MAMDC2: variants seen among roughly 807,000 people sequenced by gnomAD.
MAMDC2 encodes MAM domain-containing protein 2.
In MAMDC2, 57 loss-of-function variants were observed where a neutral mutation model predicts 89.8. The observed-to-expected ratio is 0.63, with a 90% confidence interval of 0.51 to 0.79. MAMDC2 has a LOEUF of 0.79. MAMDC2 is among the 30% of genes least tolerant of loss of function. MAMDC2 has a pLI of 0.00. For synonymous variants in MAMDC2, 313 were observed against 293.4 expected, an observed-to-expected ratio of 1.07 and a Z score of -0.68; for missense variants, 800 against 820.6, an observed-to-expected ratio of 0.97 and a Z score of 0.31.
At chr9:70,165,539 C>A (rs1563982778) in intron 9 of MAMDC2, among the ~76,000 whole-genome samples, 1 of 152,228 alleles carries the variant, frequency 6.6e-6, no homozygotes, top group East Asian at 1.9e-4. Context: ...CAGAACAACA[C>A]ATGGTCTGGC....
rs557984489 is a variant in MAMDC2 at position 70,140,256 on chromosome 9, T to C, written c.1106T>C (p.Met369Thr). The stretch of plus-strand genomic sequence containing the variant: ...ACCCGAGTGAAAGTAAAACCAAACA[T>C]GTATCGGGCTGGAGACCACACTACA... The part of the protein sequence containing the change: ...GWTRVKVKPN[M>T]YRAGDHTTGL... Residue 369 changes from methionine to threonine, a missense_variant, in exon 8 of 14, where the codon ATG becomes ACG. Physicochemically the swap from Met to Thr is moderately conservative, Grantham distance 81 (BLOSUM62 -1). Transcript: ENST00000377182. 26 of 1,601,920 alleles carry C rather than the reference T, an allele frequency of 1.6e-5. No homozygotes were observed. The East Asian group carries it at 5.7e-4, about 35-fold the overall frequency.
chr9:70,191,027 G>A (rs764655088), intron 11 of MAMDC2, among the ~76,000 whole-genome samples: 8 of 152,066 alleles, frequency 5.3e-5, no homozygotes, highest in Non-Finnish European at 1.0e-4. Flanking sequence ...GAGTATAAGA[G>A]ATGGAGATGG....
chr9:70,160,220 A>T (rs1453648359), intron 9 of MAMDC2, among the ~76,000 whole-genome samples: 1 of 152,098 alleles, frequency 6.6e-6, no homozygotes, highest in Non-Finnish European at 1.5e-5. Flanking sequence ...TCCAGAAAAA[A>T]AAAAGAACAA....
chr9:70,224,224 GAGAA>G (rs1410140356), intron 12 of MAMDC2, among the ~76,000 whole-genome samples: 4 of 151,952 alleles, frequency 2.6e-5, no homozygotes, highest in South Asian at 2.1e-4. Flanking sequence ...CCAGTAAGAG[GAGAA>G]AGAGAGAGAC....
At chr9:70,211,349 G>C (rs879564424) in intron 11 of MAMDC2, among the ~76,000 whole-genome samples, 2 of 151,836 alleles carry the variant, frequency 1.3e-5, no homozygotes, top group South Asian at 4.2e-4. Context: ...TTCTCTAAAC[G>C]TCTCTTCTCA....
chr9:70,096,423 G>A (rs895758195), intron 2 of MAMDC2, among the ~76,000 whole-genome samples: 7 of 152,108 alleles, frequency 4.6e-5, no homozygotes, highest in Admixed American at 2.6e-4. Context: ...CCAGTCCATC[G>A]CATGCACACT....
At chr9:70,074,543 CA>C (rs1204011421) in intron 2 of MAMDC2, among the ~76,000 whole-genome samples, 2 of 152,188 alleles carry the variant, frequency 1.3e-5, no homozygotes, top group African/African-American at 4.8e-5. Context: ...GGGGTTGGGA[CA>C]GCAAGACGGT....
chr9:70,073,979 A>G (rs921304416), intron 2 of MAMDC2, among the ~76,000 whole-genome samples: 2 of 152,218 alleles, frequency 1.3e-5, no homozygotes, highest in Non-Finnish European at 2.9e-5. Flanking sequence ...CCTTTTGAGA[A>G]TCTGATGAAA....
intron 6 of MAMDC2, among the ~76,000 whole-genome samples, chr9:70,129,139 C>T (rs990029510): frequency 4.6e-5 from 7 of 152,174 alleles, no homozygotes; most frequent in Admixed American, 1.3e-4. Context: ...TGTGTCCCCA[C>T]CAAAATCTCA....
In MAMDC2 at chr9:70,128,899, C is replaced by T. The variant is rs1040828385; in HGVS notation, c.900+2484C>T. Among the ~76,000 whole-genome samples, 6 of 152,236 alleles carry T rather than the reference C, an allele frequency of 3.9e-5. 1 individual carries two copies. The South Asian group carries it at 6.2e-4, about 16-fold the overall frequency. Reference sequence around the variant, plus strand: ...CTCAAACTCCTGAGCTCAAATGATCCGCCCACCTCAGGCTCTCAAAGTGCT... The same window carrying T: ...CTCAAACTCCTGAGCTCAAATGATCTGCCCACCTCAGGCTCTCAAAGTGCT... On this transcript the variant is annotated intron_variant, in intron 6 of 13. Coordinates refer to ENST00000377182, the MANE Select transcript of MAMDC2 (RefSeq NM_153267.5).
intron 2 of MAMDC2, among the ~76,000 whole-genome samples, chr9:70,061,194 G>T (rs1827142454): frequency 6.6e-6 from 1 of 152,104 alleles, no homozygotes; most frequent in African/African-American, 2.4e-5. Context: ...TTTATCATGG[G>T]CCCCTACAAT....
intron 7 of MAMDC2, among the ~76,000 whole-genome samples, chr9:70,138,558 C>T (rs1378296318): frequency 6.6e-6 from 1 of 152,172 alleles, no homozygotes; most frequent in South Asian, 2.1e-4. Context: ...TCCACATCCT[C>T]ACCAACATCT....
intron 2 of MAMDC2, among the ~76,000 whole-genome samples, chr9:70,107,423 G>A (rs1271660404): frequency 6.6e-6 from 1 of 152,100 alleles, no homozygotes; most frequent in Non-Finnish European, 1.5e-5. Context: ...GGAGGAAAAG[G>A]AGAAAGGAGG....
At chr9:70,119,954 T>C (rs1396107947) in intron 5 of MAMDC2, among the ~76,000 whole-genome samples, 2 of 152,212 alleles carry the variant, frequency 1.3e-5, no homozygotes, top group Admixed American at 6.5e-5. Flanking sequence ...CACTTTAGTG[T>C]TGACAGACAG....
At chr9:70,077,328 T>C (rs530885302) in intron 2 of MAMDC2, among the ~76,000 whole-genome samples, 57 of 152,310 alleles carry the variant, frequency 3.7e-4, no homozygotes, top group African/African-American at 1.3e-3. Flanking sequence ...GGTGGATGAT[T>C]CTCATCATAA....
chr9:70,054,408 A>C (rs1826981114), intron 2 of MAMDC2, among the ~76,000 whole-genome samples: 1 of 152,102 alleles, frequency 6.6e-6, no homozygotes, highest in Admixed American at 6.5e-5. Flanking sequence ...TTGTAGAAGC[A>C]AAGGAGTTAG....
intron 2 of MAMDC2, among the ~76,000 whole-genome samples, chr9:70,075,122 T>A (rs1827503332): frequency 6.6e-6 from 1 of 152,186 alleles, no homozygotes; most frequent in African/African-American, 2.4e-5. Flanking sequence ...GCAATAATAC[T>A]ATTAGCCCTA....
rs567995952 is a variant in MAMDC2, at chr9:70,166,276, TACACAC to T, written c.1405-2402_1405-2397del. On this transcript the variant is annotated intron_variant, in intron 9 of 13. Coordinates refer to ENST00000377182, the MANE Select transcript of MAMDC2 (RefSeq NM_153267.5). ...AACAAAACAGAAATATATATATATA[TACACAC>T]ACACACACACACACACACACACATA... Among the ~76,000 whole-genome samples, 45 of 139,176 alleles carry T rather than the reference TACACAC, an allele frequency of 3.2e-4. 1 individual carries two copies. The highest frequency in any genetic ancestry group is 1.2e-3 in the African/African-American group (45 of 38,214). 91.3% of individuals were successfully genotyped at this position (139,176 alleles called of 152,430 possible). A position where few individuals can be genotyped will look rare whatever the true frequency, so the allele number is the denominator to read the frequency against.
intron 2 of MAMDC2, among the ~76,000 whole-genome samples, chr9:70,102,984 C>T (rs940239833): frequency 6.6e-6 from 1 of 152,152 alleles, no homozygotes; most frequent in African/African-American, 2.4e-5. Flanking sequence ...ATCTCTGAAG[C>T]ACTGCTTGGT....
Sources: gnomAD v4.1 joint callset for allele counts (sites outside exome capture counted in the v4.1 genomes callset) on GRCh38, gnomAD v4.1.1 for gene constraint, MANE v1.5 for transcripts, NCBI Gene and HGNC (gene_info 2026-07-23, HGNC 2026-07-21) for gene names.